Variants in MRC1 observed in about 807,000 individuals in gnomAD.
MRC1 encodes macrophage mannose receptor 1.
In MRC1, 62 loss-of-function variants were observed where a neutral mutation model predicts 102.9. The observed-to-expected ratio is 0.60, with a 90% CI of 0.49 to 0.74. The LOEUF (loss-of-function observed/expected upper bound fraction) is 0.74, where lower values mean the gene tolerates loss of function less well. MRC1 is among the 30% of genes least tolerant of loss of function. The pLI is 0.00. For synonymous variants in MRC1, 457 were observed against 298.4 expected (o/e 1.53, Z -5.48); for missense variants, 1,237 against 862.8 (o/e 1.43, Z -5.43).
Position 17,833,690 on chromosome 10 carries a change from G to C in MRC1, c.653G>C (p.Ser218Thr), listed in dbSNP as rs782456205. The C allele has an allele frequency of 9.2e-5, 72 of 780,922 alleles. No individual in the cohort carries two copies. The highest frequency in any genetic ancestry group is 1.7e-5 in the Admixed American group (1 of 59,004). The allele number at this position is 780,922 out of a possible 1,614,324, so 48.4% of individuals were successfully genotyped here. A position where few individuals can be genotyped will look rare whatever the true frequency, so the allele number is the denominator to read the frequency against. Residue 218 changes from serine to threonine, a missense_variant, in exon 4 of 30, where the codon AGC becomes ACC. By Grantham distance (58) the Ser-to-Thr change is moderately conservative. Transcript: ENST00000569591. ...YCPLKFEGSE[S>T]LWNKDPLTSV... is the part of the protein sequence containing the mutation. ...TCTTTCACAGTTGAGGGCAGTGAAA[G>C]CTTATGGAATAAAGACCCGCTGACC... is the stretch of plus-strand genomic sequence containing the variant.
At position 17,891,813 on chromosome 10, in the gene MRC1, G is replaced by A. The variant is rs373488958; in HGVS notation, c.3148-2397G>A. Among the ~76,000 whole-genome samples the A allele has an allele frequency of 7.1e-3, 1,087 of 152,250 alleles. 5 individuals are homozygous for A. Among genetic ancestry groups the A allele is most frequent in the Non-Finnish European group, 0.011 (782 of 68,020 alleles). On this transcript the variant is annotated intron_variant, in intron 22 of 29. Transcript: ENST00000569591. ...TTCTCCTAAAGACTTCTGAAATAAT[G>A]TCAGAGAGGCACAGTTCTTCGGCTG...
In MRC1 at chr10:17,870,997, CT is replaced by C. The variant is rs1337197257; in HGVS notation, c.2199+71del. On this transcript the variant is annotated intron_variant, in intron 14 of 29. Coordinates refer to ENST00000569591, the MANE Select transcript of MRC1 (RefSeq NM_002438.4). ...TATCGTGTATTTATTTTGATGTTGTCTTTTTTTTTAATGCAAACTTTTAATA... is the reference window on the plus strand; with the variant it reads ...TATCGTGTATTTATTTTGATGTTGTCTTTTTTTTAATGCAAACTTTTAATA... 5.8e-4 allele frequency: 449 copies of C among 779,766 alleles called. 4 individuals are homozygous for C. Among genetic ancestry groups the C allele is most frequent in the South Asian group, 1.8e-3 (120 of 66,330 alleles). 48.3% of individuals were successfully genotyped at this position (779,766 alleles called of 1,614,324 possible). A position where few individuals can be genotyped will look rare whatever the true frequency, so the allele number is the denominator to read the frequency against.
chr10:17,846,032 C>T lies in MRC1; in HGVS notation c.1063+597C>T, dbSNP rs1238586536. Reference sequence around the variant, plus strand: ...TCGTGATTCTCCTGCCTCAGCCTCCCGAGTAGTTGGGATTACAGATGTGTG... The same window carrying T: ...TCGTGATTCTCCTGCCTCAGCCTCCTGAGTAGTTGGGATTACAGATGTGTG... On this transcript the variant is annotated intron_variant, in intron 6 of 29. Transcript: ENST00000569591. Among the ~76,000 whole-genome samples the T allele has an allele frequency of 7.9e-5, 12 of 152,184 alleles. No individual in the cohort carries two copies. The East Asian group carries it at 1.2e-3, about 15-fold the overall frequency.
chr10:17,902,708 G>A (rs1833844705), intron 26 of MRC1, among the ~76,000 whole-genome samples: 1 of 152,016 alleles, frequency 6.6e-6, no homozygotes. Flanking sequence ...ATCCAACAGT[G>A]GTACGCACAG....
chr10:17,866,907 C>T (rs1002015702), intron 12 of MRC1, 146 bp downstream of exon 12: 33 of 713,228 alleles, frequency 4.6e-5, no homozygotes, highest in East Asian at 2.4e-4. Context: ...TTGATTAACC[C>T]GGGGATCAAT....
At chr10:17,910,005 G>A (rs1833947628) in intron 29 of MRC1, among the ~76,000 whole-genome samples, 1 of 152,108 alleles carries the variant, frequency 6.6e-6, no homozygotes, top group Admixed American at 6.5e-5. Context: ...TAGACAGATG[G>A]ATTATTCTTG....
chr10:17,898,695 G>A (rs2130714878), intron 24 of MRC1, among the ~76,000 whole-genome samples: 1 of 152,312 alleles, frequency 6.6e-6, no homozygotes, highest in Non-Finnish European at 1.5e-5. Flanking sequence ...TAGGTCCTGA[G>A]GTTGTGGAGC....
chr10:17,809,646 C>T, intron 1 of MRC1, 120 bp downstream of exon 1: 1 of 793,714 alleles, frequency 1.3e-6, no homozygotes, highest in Non-Finnish European at 2.3e-6. Context: ...CGGGGTTCCC[C>T]TGCACCACGC....
intron 5 of MRC1, among the ~76,000 whole-genome samples, chr10:17,841,740 ATTTTT>A (rs35422170): frequency 1.6e-5 from 2 of 126,734 alleles, no homozygotes; most frequent in Non-Finnish European, 3.4e-5. Flanking sequence ...CCCCAGTGCC[ATTTTT>A]TTTTTTTTTT....
chr10:17,863,465 G>A (rs2274421), intron 10 of MRC1, 69 bp from the exon 11 acceptor site: 12,647 of 778,740 alleles, frequency 0.016, 240 homozygotes, highest in African/African-American at 0.07. Context: ...TAGTTTCCAC[G>A]TTGATAATTT....
intron 11 of MRC1, among the ~76,000 whole-genome samples, chr10:17,864,645 A>G (rs968513332): frequency 1.3e-5 from 2 of 151,958 alleles, no homozygotes; most frequent in Admixed American, 6.6e-5. Context: ...CCTGGCCAAC[A>G]TAGGGAAACC....
intron 12 of MRC1, among the ~76,000 whole-genome samples, chr10:17,869,736 G>T (rs1833328001): frequency 6.6e-6 from 1 of 152,180 alleles, no homozygotes; most frequent in Admixed American, 6.6e-5. Flanking sequence ...ATACAAGGCG[G>T]TATTGAAGGA....
intron 22 of MRC1, among the ~76,000 whole-genome samples, 155 bp downstream of exon 22, chr10:17,885,590 A>G (rs1397430805): frequency 6.6e-6 from 1 of 152,108 alleles, no homozygotes; most frequent in African/African-American, 2.4e-5. Context: ...GCTGACTTTG[A>G]GAGAGGGAGT....
At chr10:17,820,518 G>C (rs1488428448) in intron 1 of MRC1, among the ~76,000 whole-genome samples, 2 of 152,148 alleles carry the variant, frequency 1.3e-5, no homozygotes, top group Non-Finnish European at 2.9e-5. Flanking sequence ...TCTCTTAAAA[G>C]ACTGGTTGCC....
chr10:17,867,906 A>T (rs1833299614), intron 12 of MRC1, among the ~76,000 whole-genome samples: 1 of 152,330 alleles, frequency 6.6e-6, no homozygotes, highest in Admixed American at 6.5e-5. Flanking sequence ...GATTATAATG[A>T]TGGGTGAGGA....
At chr10:17,868,826 T>C (rs1208154414) in intron 12 of MRC1, among the ~76,000 whole-genome samples, 2 of 152,204 alleles carry the variant, frequency 1.3e-5, no homozygotes, top group Non-Finnish European at 2.9e-5. Context: ...CCATCAGATC[T>C]AATAACATAA....
At chr10:17,853,543 AC>A (rs1174341918) in intron 8 of MRC1, among the ~76,000 whole-genome samples, 1 of 151,608 alleles carries the variant, frequency 6.6e-6, no homozygotes, top group African/African-American at 2.4e-5. Flanking sequence ...ATATATGATT[AC>A]AAGAGATGTA....
chr10:17,869,435 A>G (rs1833323186), intron 12 of MRC1, among the ~76,000 whole-genome samples: 1 of 152,120 alleles, frequency 6.6e-6, no homozygotes, highest in African/African-American at 2.4e-5. Context: ...CCTTGGAAGC[A>G]AATTTTTTTT....
chr10:17,887,969 AT>A (rs1317987613), intron 22 of MRC1, among the ~76,000 whole-genome samples: 1 of 151,668 alleles, frequency 6.6e-6, no homozygotes, highest in Non-Finnish European at 1.5e-5. Context: ...CACCTGGCTA[AT>A]TTTTTTTGTA....
Sources: gnomAD v4.1 joint callset for allele counts (sites outside exome capture counted in the v4.1 genomes callset) on GRCh38, gnomAD v4.1.1 for gene constraint, MANE v1.5 for transcripts, NCBI Gene and HGNC (gene_info 2026-07-23, HGNC 2026-07-21) for gene names.